The following GNB1L variants were observed in gnomAD, a reference collection of about 807,000 sequenced individuals.
GNB1L encodes guanine nucleotide-binding protein subunit beta-like protein 1.
Under a neutral mutation model 29.1 loss-of-function variants are expected in GNB1L, and 20 were observed. The ratio of observed to expected loss-of-function variants is 0.69; its 90% CI spans 0.48 to 1.00. GNB1L has a LOEUF of 1.00. GNB1L is among the 50% of genes least tolerant of loss of function. GNB1L has a pLI of 0.00. For synonymous variants in GNB1L, 193 were observed against 206.5 expected, an observed-to-expected ratio of 0.93 and a Z score of 0.56; for missense variants, 421 against 464.9, an observed-to-expected ratio of 0.91 and a Z score of 0.87.
intron 6 of GNB1L, among the ~76,000 whole-genome samples, chr22:19,805,698 C>A (rs935997920): frequency 6.6e-6 from 1 of 152,078 alleles, no homozygotes; most frequent in African/African-American, 2.4e-5. Flanking sequence ...AGGAGAATGG[C>A]GTGAACCCAG....
Position 19,806,655 on chromosome 22 carries a change from T to C in GNB1L, c.516+4A>G. 6.3e-7 allele frequency: 1 copy of C among 1,599,114 alleles called. No homozygotes were observed. Among genetic ancestry groups the C allele is most frequent in the Non-Finnish European group, 8.6e-7 (1 of 1,168,410 alleles). On this transcript the variant is annotated splice_donor_region_variant and intron_variant, in intron 6 of 7. Coordinates refer to ENST00000329517, the MANE Select transcript of GNB1L (RefSeq NM_053004.3). ...GGGCGTGGCTGGTGCACGCGGGGCC[T>C]TACCTGCCACAGCCGCAGGCACATG...
chr22:19,841,465 C>T (rs1937858805), intron 2 of GNB1L, among the ~76,000 whole-genome samples: 2 of 152,070 alleles, frequency 1.3e-5, no homozygotes, highest in Non-Finnish European at 2.9e-5. Context: ...CCCATCTCTA[C>T]AAACAAATAA....
intron 2 of GNB1L, chr22:19,850,368 A>C (rs1938065085): frequency 1.0e-6 from 1 of 986,774 alleles, no homozygotes; most frequent in South Asian, 4.7e-5. Flanking sequence ...CTAGGGCTTA[A>C]GTGCTGAATC....
At chr22:19,811,067 G>C (rs146725208) in intron 5 of GNB1L, among the ~76,000 whole-genome samples, 3 of 152,316 alleles carry the variant, frequency 2.0e-5, no homozygotes, top group Non-Finnish European at 2.9e-5. Flanking sequence ...CTTGGGTCCC[G>C]GGGGAGGAAG....
chr22:19,834,017 G>T (rs1413515860), intron 2 of GNB1L, among the ~76,000 whole-genome samples: 1 of 151,820 alleles, frequency 6.6e-6, no homozygotes, highest in Non-Finnish European at 1.5e-5. Context: ...AATAGTAAAA[G>T]GTCTAACATT....
chr22:19,825,792 C>CA (rs201038586), intron 2 of GNB1L, among the ~76,000 whole-genome samples: 503 of 151,078 alleles, frequency 3.3e-3, no homozygotes, highest in African/African-American at 0.011. Flanking sequence ...CCCATCTCTA[C>CA]AAAAAAAATA....
intron 2 of GNB1L, among the ~76,000 whole-genome samples, chr22:19,838,390 A>T (rs907080953): frequency 5.3e-5 from 8 of 152,246 alleles, no homozygotes; most frequent in African/African-American, 1.9e-4. Flanking sequence ...GGGCAACTGG[A>T]ACCTTGTTGG....
intron 7 of GNB1L, among the ~76,000 whole-genome samples, chr22:19,798,931 T>C (rs1050308032): frequency 1.1e-4 from 16 of 152,140 alleles, no homozygotes; most frequent in Admixed American, 2.0e-4. Flanking sequence ...GATGGAAACA[T>C]GTCCACGCCC....
At chr22:19,819,875 C>A (rs1937564097) in intron 4 of GNB1L, among the ~76,000 whole-genome samples, 1 of 152,160 alleles carries the variant, frequency 6.6e-6, no homozygotes, top group Non-Finnish European at 1.5e-5. Context: ...TTCAGAAACG[C>A]AGAAGCACAC....
At chr22:19,831,505 C>A (rs574120163) in intron 2 of GNB1L, among the ~76,000 whole-genome samples, 57 of 151,786 alleles carry the variant, frequency 3.8e-4, no homozygotes, top group African/African-American at 1.3e-3. Flanking sequence ...CCCTGACTAA[C>A]ACGGTGAAAC....
At position 19,788,554 on chromosome 22, in the gene GNB1L, G is replaced by A. The variant is rs919264953; in HGVS notation, c.*155C>T. 7 of 1,006,422 alleles carry A rather than the reference G, an allele frequency of 7.0e-6. No homozygotes were observed. Among genetic ancestry groups the A allele is most frequent in the Non-Finnish European group, 1.1e-5 (7 of 629,134 alleles). 62.3% of individuals were successfully genotyped at this position (1,006,422 alleles called of 1,614,324 possible). A position where few individuals can be genotyped will look rare whatever the true frequency, so the allele number is the denominator to read the frequency against. On this transcript the variant is annotated 3_prime_UTR_variant, in exon 8 of 8. Transcript: ENST00000329517. ...TCCTGTGATGAGGCACTCCACAAAA[G>A]GAAATACCAACCTCATGAAGACAGC...
chr22:19,820,563 A>G, intron 4 of GNB1L, 35 bp downstream of exon 4: 2 of 1,594,130 alleles, frequency 1.3e-6, no homozygotes, highest in East Asian at 2.2e-5. Flanking sequence ...ACTCCCCCGA[A>G]GGCCATACCT....
chr22:19,835,317 T>C (rs1385951045), intron 2 of GNB1L, among the ~76,000 whole-genome samples: 4 of 149,314 alleles, frequency 2.7e-5, no homozygotes, highest in African/African-American at 9.9e-5. Context: ...CAAATGCACA[T>C]GGAGCACTCA....
chr22:19,810,915 A>G (rs1937492757), intron 5 of GNB1L, among the ~76,000 whole-genome samples: 1 of 152,188 alleles, frequency 6.6e-6, no homozygotes, highest in Non-Finnish European at 1.5e-5. Flanking sequence ...CCTTGAGCAC[A>G]GGGGACGTGT....
chr22:19,828,329 G>T (rs999245749), intron 2 of GNB1L, among the ~76,000 whole-genome samples: 2 of 152,148 alleles, frequency 1.3e-5, no homozygotes, highest in African/African-American at 2.4e-5. Flanking sequence ...AAGACAGATA[G>T]TTTTTAATTC....
intron 7 of GNB1L, chr22:19,792,514 T>A (rs1569037411): frequency 6.5e-7 from 1 of 1,545,522 alleles, no homozygotes; most frequent in Admixed American, 1.7e-5. Flanking sequence ...TATAAGCGGC[T>A]GAAAGTGCCT....
intron 4 of GNB1L, 89 bp from the exon 5 acceptor site, chr22:19,812,536 G>T: frequency 7.8e-7 from 1 of 1,287,800 alleles, no homozygotes; most frequent in Non-Finnish European, 1.1e-6. Context: ...GCAAGGCCAT[G>T]TTTCCAGAGA....
intron 2 of GNB1L, among the ~76,000 whole-genome samples, chr22:19,832,915 C>T (rs2145890587): frequency 6.6e-6 from 1 of 152,252 alleles, no homozygotes; most frequent in African/African-American, 2.4e-5. Flanking sequence ...CAGGCTGAGC[C>T]CTGGGTGGCT....
intron 7 of GNB1L, among the ~76,000 whole-genome samples, chr22:19,799,583 AC>A (rs952074783): frequency 6.6e-6 from 1 of 152,010 alleles, no homozygotes; most frequent in African/African-American, 2.4e-5. Flanking sequence ...TGCTCCAGGA[AC>A]CTCATTCGCG....
Sources: gnomAD v4.1 joint callset for allele counts (sites outside exome capture counted in the v4.1 genomes callset) on GRCh38, gnomAD v4.1.1 for gene constraint, MANE v1.5 for transcripts, NCBI Gene and HGNC (gene_info 2026-07-23, HGNC 2026-07-21) for gene names.